HDAC9: variants seen among roughly 807,000 people sequenced by gnomAD.
HDAC9 encodes MEF-2 interacting transcription repressor (MITR) protein.
HDAC9 carries 41 observed loss-of-function variants against 139.4 expected under a neutral mutation model. That is an observed-to-expected ratio of 0.29 (90% CI 0.23 to 0.38). The LOEUF is 0.38. Among genes scored for constraint, HDAC9 ranks in the 10% least tolerant of loss-of-function variants. The pLI is 1.00. For synonymous variants in HDAC9, 517 were observed against 476.2 expected (o/e 1.09, Z -1.12); for missense variants, 1,147 against 1,297.0 (o/e 0.88, Z 1.78).
chr7:18,325,752 A>C (rs1322845545), intron 1 of HDAC9, among the ~76,000 whole-genome samples: 2 of 152,124 alleles, frequency 1.3e-5, no homozygotes, highest in African/African-American at 2.4e-5. Context: ...GATAGACCAT[A>C]TATATGATTA....
intron 1 of HDAC9, among the ~76,000 whole-genome samples, chr7:18,486,518 G>A (rs1795988847): frequency 6.6e-6 from 1 of 152,198 alleles, no homozygotes; most frequent in South Asian, 2.1e-4. Context: ...TCATCAATGT[G>A]TTCTGTAGAA....
At chr7:18,907,174 A>C (rs1020150590) in intron 22 of HDAC9, 10 of 152,222 alleles carry the variant, frequency 6.6e-5, no homozygotes, top group Non-Finnish European at 1.5e-4. Context: ...TGTCCCATGC[A>C]GAGCATGGAA....
At position 18,219,649 on chromosome 7, in the gene HDAC9, T is replaced by C. The variant is rs544130541; in HGVS notation, c.25+57300T>C. On this transcript the variant is annotated intron_variant, in intron 2 of 12. Transcript: ENST00000417496. ...TGTGATAGAATGAGAATGACTGTTA[T>C]TACTTCGAAAGTTTCCTGCCCAGGA... Among the ~76,000 whole-genome samples the C allele has an allele frequency of 5.3e-5, 8 of 152,316 alleles. No individual in the cohort carries two copies. In the East Asian group the frequency reaches 1.3e-3, roughly 26 times the overall value.
chr7:18,837,074 C>G (rs553497260), intron 21 of HDAC9, among the ~76,000 whole-genome samples: 135 of 151,736 alleles, frequency 8.9e-4, no homozygotes, highest in South Asian at 8.3e-3. Context: ...AAGTTCATTT[C>G]TCATGAGAAA....
intron 1 of HDAC9, among the ~76,000 whole-genome samples, chr7:18,142,155 C>G (rs1785945536): frequency 6.6e-6 from 1 of 152,094 alleles, no homozygotes; most frequent in South Asian, 2.1e-4. Flanking sequence ...TAGAGCAAGG[C>G]TACAAAGAGC....
intron 1 of HDAC9, among the ~76,000 whole-genome samples, chr7:18,377,059 C>G (rs909968594): frequency 1.3e-5 from 2 of 152,040 alleles, no homozygotes; most frequent in Non-Finnish European, 2.9e-5. Flanking sequence ...GATATAGCAC[C>G]AGTTTCTGTT....
At chr7:18,821,243 C>T (rs1303627968) in intron 17 of HDAC9, among the ~76,000 whole-genome samples, 1 of 152,196 alleles carries the variant, frequency 6.6e-6, no homozygotes, top group Non-Finnish European at 1.5e-5. Context: ...TTAATAATAT[C>T]ATATTGACCC....
intron 2 of HDAC9, among the ~76,000 whole-genome samples, chr7:18,179,430 G>C (rs146440504): frequency 6.6e-6 from 1 of 152,294 alleles, no homozygotes; most frequent in African/African-American, 2.4e-5. Context: ...TGTTTATTTT[G>C]CTTGTTATTA....
chr7:18,131,697 CTG>C (rs1480291768), intron 1 of HDAC9, among the ~76,000 whole-genome samples: 1 of 152,086 alleles, frequency 6.6e-6, no homozygotes, highest in Non-Finnish European at 1.5e-5. Context: ...GACAGAAACT[CTG>C]ATGTTACGAA....
intron 1 of HDAC9, among the ~76,000 whole-genome samples, chr7:18,478,067 CAAAA>C (rs201413397): frequency 1.3e-5 from 2 of 150,900 alleles, no homozygotes; most frequent in East Asian, 1.9e-4. Flanking sequence ...AACAAACAAA[CAAAA>C]AAAACTTTTT....
intron 22 of HDAC9, among the ~76,000 whole-genome samples, chr7:18,886,618 AAAT>A (rs1800178955): frequency 6.6e-6 from 1 of 152,220 alleles, no homozygotes; most frequent in African/African-American, 2.4e-5. Context: ...ATTCAATGGA[AAAT>A]AATATTTTAC....
chr7:18,441,167 A>G (rs1791719763), intron 1 of HDAC9, among the ~76,000 whole-genome samples: 1 of 152,224 alleles, frequency 6.6e-6, no homozygotes, highest in Non-Finnish European at 1.5e-5. Context: ...ACATTTGTAT[A>G]TCAAAGAACA....
At chr7:18,273,189 C>G (rs879572758) in intron 2 of HDAC9, among the ~76,000 whole-genome samples, 13 of 151,266 alleles carry the variant, frequency 8.6e-5, no homozygotes, top group Non-Finnish European at 1.3e-4. Flanking sequence ...ACCTCAGCCT[C>G]CTGAGTAGCT....
intron 25 of HDAC9, among the ~76,000 whole-genome samples, chr7:18,985,879 T>C (rs1460713196): frequency 1.3e-4 from 12 of 93,282 alleles, no homozygotes; most frequent in African/African-American, 7.1e-4. Flanking sequence ...TTTTGAGAAG[T>C]GTCTGTTCAT....
intron 6 of HDAC9, 97 bp downstream of exon 6, chr7:18,594,126 C>A: frequency 1.5e-6 from 2 of 1,325,886 alleles, no homozygotes; most frequent in South Asian, 1.3e-5. Context: ...GGATTTGAGT[C>A]GTAGATAATA....
chr7:18,793,320 C>T lies in HDAC9; in HGVS notation c.2215-25C>T, dbSNP rs199931214. 1.2e-4 allele frequency: 180 copies of T among 1,479,922 alleles called. No homozygotes were observed. In the African/African-American group the frequency reaches 2.1e-3, roughly 17 times the overall value. The allele number at this position is 1,479,922 out of a possible 1,614,324, so 91.7% of individuals were successfully genotyped here. On this transcript the variant is annotated intron_variant, in intron 16 of 25. Coordinates refer to ENST00000686413, the MANE Select transcript of HDAC9 (RefSeq NM_178425.4). ...CTCTTTCGCTTTCTTCTTCTGTCTT[C>T]GGACTCTGCTGACTGTTTGCTCAGG...
chr7:18,799,798 A>G (rs1030763849), intron 17 of HDAC9, among the ~76,000 whole-genome samples: 1 of 152,224 alleles, frequency 6.6e-6, no homozygotes, highest in Non-Finnish European at 1.5e-5. Context: ...ATGTACCAAC[A>G]TATGCATAAT....
rs138917812 is a variant in HDAC9, at chr7:18,343,382, T to C, written c.-42+52867T>C. Among the ~76,000 whole-genome samples the C allele has an allele frequency of 3.9e-3, 600 of 151,974 alleles. 2 individuals are homozygous for C. The highest frequency in any genetic ancestry group is 0.024 in the Middle Eastern group (7 of 294). The stretch of plus-strand genomic sequence containing the variant: ...AAAATGTCCAAGGAAATTTATGTTA[T>C]ATAAATTCTTAACACAGTTATAACA... On this transcript the variant is annotated intron_variant, in intron 1 of 3. Coordinates refer to the HDAC9 transcript ENST00000413509.
intron 2 of HDAC9, among the ~76,000 whole-genome samples, chr7:18,510,777 A>G (rs1219724389): frequency 6.6e-6 from 1 of 152,180 alleles, no homozygotes; most frequent in Non-Finnish European, 1.5e-5. Flanking sequence ...ATATAGATGG[A>G]ATGGGTGAAT....
Sources: allele counts gnomAD v4.1 joint callset (sites outside exome capture counted in the v4.1 genomes callset), GRCh38; gene constraint gnomAD v4.1.1; transcripts MANE v1.5; gene names NCBI Gene and HGNC (gene_info 2026-07-23, HGNC 2026-07-21).